Variants in ST6GALNAC3 observed in about 807,000 individuals in gnomAD.
ST6GALNAC3 encodes the protein alpha-N-acetylgalactosaminide alpha-2,6-sialyltransferase 3.
A neutral mutation model predicts 32.7 loss-of-function variants in ST6GALNAC3; 25 were observed. The observed-to-expected ratio is 0.76, with a 90% confidence interval of 0.56 to 1.07. The LOEUF is 1.07. Ranked by LOEUF, ST6GALNAC3 falls within the 50% of genes least tolerant of loss-of-function variation. The pLI, the probability that ST6GALNAC3 is intolerant of heterozygous loss-of-function variation, is 0.00. For synonymous variants in ST6GALNAC3, 129 were observed against 133.1 expected, an observed-to-expected ratio of 0.97 and a Z score of 0.21; for missense variants, 355 against 382.4, an observed-to-expected ratio of 0.93 and a Z score of 0.60.
intron 1 of ST6GALNAC3, among the ~76,000 whole-genome samples, chr1:76,132,712 A>G (rs1263786416): frequency 1.3e-5 from 2 of 152,148 alleles, no homozygotes; most frequent in East Asian, 3.9e-4. Flanking sequence ...ATGATGGGAC[A>G]TGGCAGAGAT....
At chr1:76,254,563 G>GAGAC (rs766493508) in intron 1 of ST6GALNAC3, among the ~76,000 whole-genome samples, 1 of 152,108 alleles carries the variant, frequency 6.6e-6, no homozygotes, top group Non-Finnish European at 1.5e-5. Context: ...TGGTGAGAGA[G>GAGAC]AGACGATAGT....
intron 1 of ST6GALNAC3, among the ~76,000 whole-genome samples, chr1:76,266,080 G>A (rs1658509440): frequency 1.3e-5 from 2 of 152,182 alleles, no homozygotes; most frequent in Admixed American, 1.3e-4. Flanking sequence ...AAATTATAGT[G>A]TTCAGGGGGC....
At chr1:76,164,468 T>C (rs1652001522) in intron 1 of ST6GALNAC3, among the ~76,000 whole-genome samples, 1 of 152,132 alleles carries the variant, frequency 6.6e-6, no homozygotes, top group Non-Finnish European at 1.5e-5. Flanking sequence ...AAAGAAGTTA[T>C]CCCAACCTTC....
At chr1:76,475,398 T>C (rs991855238) in intron 3 of ST6GALNAC3, among the ~76,000 whole-genome samples, 1 of 152,094 alleles carries the variant, frequency 6.6e-6, no homozygotes, top group African/African-American at 2.4e-5. Context: ...TTTTGAAGAG[T>C]AAAGCAGAAT....
chr1:76,129,203 G>A (rs1392774903), intron 1 of ST6GALNAC3, among the ~76,000 whole-genome samples: 1 of 152,110 alleles, frequency 6.6e-6, no homozygotes, highest in East Asian at 1.9e-4. Flanking sequence ...CCTTTCCTGT[G>A]GGGTCCCAAG....
intron 1 of ST6GALNAC3, among the ~76,000 whole-genome samples, chr1:76,282,499 A>G (rs1659553524): frequency 2.6e-5 from 4 of 152,162 alleles, no homozygotes; most frequent in Non-Finnish European, 5.9e-5. Flanking sequence ...ATATGTCAAT[A>G]CTTGATTATT....
chr1:76,455,972 G>A (rs1657753660), intron 3 of ST6GALNAC3, among the ~76,000 whole-genome samples: 1 of 152,118 alleles, frequency 6.6e-6, no homozygotes, highest in African/African-American at 2.4e-5. Context: ...GATCACTTGA[G>A]GTCAGGAGTT....
intron 1 of ST6GALNAC3, among the ~76,000 whole-genome samples, chr1:76,245,941 A>C (rs1415305444): frequency 6.6e-6 from 1 of 152,172 alleles, no homozygotes; most frequent in African/African-American, 2.4e-5. Flanking sequence ...TCCAGAGCTG[A>C]GTTGAAGTCC....
chr1:76,356,741 T>C (rs1051652461), intron 2 of ST6GALNAC3, among the ~76,000 whole-genome samples: 12 of 152,306 alleles, frequency 7.9e-5, no homozygotes, highest in African/African-American at 2.4e-4. Context: ...CCAGTCCTGA[T>C]ACCTAGGATA....
chr1:76,551,348 C>A (rs921863520), intron 3 of ST6GALNAC3, among the ~76,000 whole-genome samples: 3 of 152,132 alleles, frequency 2.0e-5, no homozygotes, highest in African/African-American at 7.2e-5. Flanking sequence ...CTTGACATAA[C>A]TTTGTTTATT....
intron 2 of ST6GALNAC3, among the ~76,000 whole-genome samples, chr1:76,405,348 A>G (rs954909908): frequency 1.3e-5 from 2 of 152,098 alleles, no homozygotes; most frequent in African/African-American, 4.8e-5. Flanking sequence ...TTAATTATTT[A>G]TTCTATTGTC....
At chr1:76,575,359 C>A (rs1646785219) in intron 3 of ST6GALNAC3, among the ~76,000 whole-genome samples, 1 of 152,072 alleles carries the variant, frequency 6.6e-6, no homozygotes, top group Non-Finnish European at 1.5e-5. Context: ...CAAAAGAGAA[C>A]AGGTTTTATT....
At chr1:76,276,657 G>T (rs1381943393) in intron 1 of ST6GALNAC3, among the ~76,000 whole-genome samples, 1 of 152,124 alleles carries the variant, frequency 6.6e-6, no homozygotes, top group East Asian at 1.9e-4. Flanking sequence ...CTGCATGGAA[G>T]GGGTGCCCAA....
At chr1:76,113,832 CT>C (rs575165541) in intron 1 of ST6GALNAC3, among the ~76,000 whole-genome samples, 1,544 of 145,686 alleles carry the variant, frequency 0.011, 34 homozygotes, top group African/African-American at 0.036. Flanking sequence ...AATGAAGTAT[CT>C]TTTTTTTTTT....
At chr1:76,247,023 TTCTG>T (rs1210269204) in intron 1 of ST6GALNAC3, among the ~76,000 whole-genome samples, 1 of 152,168 alleles carries the variant, frequency 6.6e-6, no homozygotes, top group Non-Finnish European at 1.5e-5. Flanking sequence ...TGTTGTTGCT[TTCTG>T]TTTGTTAGTT....
chr1:76,541,125 A>G (rs1663962292), intron 3 of ST6GALNAC3, among the ~76,000 whole-genome samples: 1 of 152,206 alleles, frequency 6.6e-6, no homozygotes, highest in African/African-American at 2.4e-5. Context: ...AGCAGTAAAG[A>G]GATCAGCATT....
At chr1:76,263,371 A>G (rs1052635058) in intron 1 of ST6GALNAC3, among the ~76,000 whole-genome samples, 1 of 150,156 alleles carries the variant, frequency 6.7e-6, no homozygotes, top group Non-Finnish European at 1.5e-5. Context: ...ACTATAAATC[A>G]TAACTACCTT....
intron 3 of ST6GALNAC3, among the ~76,000 whole-genome samples, chr1:76,596,140 T>C (rs1207553990): frequency 2.0e-5 from 3 of 152,170 alleles, no homozygotes; most frequent in South Asian, 4.1e-4. Context: ...GGACCTTGTG[T>C]ATTAACATGA....
chr1:76,086,953 A>G (rs1162359833), intron 1 of ST6GALNAC3, among the ~76,000 whole-genome samples: 2 of 152,212 alleles, frequency 1.3e-5, no homozygotes, highest in African/African-American at 4.8e-5. Flanking sequence ...CCCCAGAACC[A>G]GCAAGTACCT....
Sources: gnomAD v4.1 joint callset for allele counts (sites outside exome capture counted in the v4.1 genomes callset) on GRCh38, gnomAD v4.1.1 for gene constraint, MANE v1.5 for transcripts, NCBI Gene and HGNC (gene_info 2026-07-23, HGNC 2026-07-21) for gene names.